The following EIF2AK4 variants were observed in gnomAD, a reference collection of about 807,000 sequenced individuals.
EIF2AK4 encodes eukaryotic translation initiation factor 2 alpha kinase 4, also known as eIF-2-alpha kinase GCN2.
In EIF2AK4, 139 loss-of-function variants were observed where a neutral mutation model predicts 211.1. That is an observed-to-expected ratio of 0.66 (90% CI 0.57 to 0.76). The LOEUF (loss-of-function observed/expected upper bound fraction) is 0.76, where lower values mean the gene tolerates loss of function less well. Among genes scored for constraint, EIF2AK4 ranks in the 30% least tolerant of loss-of-function variants. EIF2AK4 has a pLI of 0.00. For synonymous variants in EIF2AK4, 710 were observed against 751.3 expected, an observed-to-expected ratio of 0.94 and a Z score of 0.90; for missense variants, 1,664 against 2,043.8, an observed-to-expected ratio of 0.81 and a Z score of 3.58.
rs939741651 is a variant in EIF2AK4 at position 40,032,939 on chromosome 15, T to C, written c.4773+138T>C. 2.9e-5 allele frequency: 19 copies of C among 653,738 alleles called. No homozygotes were observed. The African/African-American group carries it at 3.6e-4, about 12-fold the overall frequency. The allele number at this position is 653,738 out of a possible 1,614,324, so 40.5% of individuals were successfully genotyped here. On this transcript the variant is annotated intron_variant, in intron 37 of 38. Transcript: ENST00000263791. ...TGCAGGAATTTAGTAACATTTTTCC[T>C]TTTATGTAACATATATGTTCCTAAA...
At chr15:40,000,417 G>A (rs1206990894) in intron 20 of EIF2AK4, among the ~76,000 whole-genome samples, 1 of 152,084 alleles carries the variant, frequency 6.6e-6, no homozygotes, top group Non-Finnish European at 1.5e-5. Context: ...CATCATTAAG[G>A]AACCTCTCAA....
intron 15 of EIF2AK4, among the ~76,000 whole-genome samples, chr15:39,988,333 G>C (rs773231945): frequency 1.6e-4 from 24 of 152,174 alleles, no homozygotes; most frequent in Non-Finnish European, 2.8e-4. Flanking sequence ...TAAAGGTTAG[G>C]ACAGGGATCA....
chr15:40,005,214 A>G (rs2035144093), intron 23 of EIF2AK4, among the ~76,000 whole-genome samples: 1 of 152,222 alleles, frequency 6.6e-6, no homozygotes, highest in Non-Finnish European at 1.5e-5. Flanking sequence ...GAGTCCCGGA[A>G]CCAATTTCTG....
chr15:39,955,908 TA>T, intron 6 of EIF2AK4, 140 bp downstream of exon 6: 15 of 767,532 alleles, frequency 2.0e-5, no homozygotes, highest in Non-Finnish European at 2.7e-5. Context: ...CTTAATATAT[TA>T]GCAATATATT....
chr15:40,016,397 C>T lies in EIF2AK4; in HGVS notation c.3760-105C>T, dbSNP rs115016293. The T allele has an allele frequency of 1.1e-3, 1,473 of 1,325,832 alleles. 8 individuals are homozygous for T. The highest frequency in any genetic ancestry group is 9.3e-3 in the African/African-American group (631 of 67,696). 82.1% of individuals were successfully genotyped at this position (1,325,832 alleles called of 1,614,324 possible). On this transcript the variant is annotated intron_variant, in intron 27 of 38. Coordinates refer to ENST00000263791, the MANE Select transcript of EIF2AK4 (RefSeq NM_001013703.4). ...AATAATCTTTGACCACAAAGATAAT[C>T]GTAGCATCCCATGTGCTCCTGCTCC...
At chr15:40,017,506 T>TAC in intron 29 of EIF2AK4, among the ~76,000 whole-genome samples, 1 of 5,650 alleles carries the variant, frequency 1.8e-4, no homozygotes, top group Non-Finnish European at 3.6e-4. Context: ...TGTTTCTATA[T>TAC]ATATATATAT....
At chr15:40,016,378 C>A in intron 27 of EIF2AK4, 124 bp from the exon 28 acceptor site, 1 of 1,220,838 alleles carries the variant, frequency 8.2e-7, no homozygotes, top group Non-Finnish European at 1.2e-6. Flanking sequence ...CTAAAATAAT[C>A]TTTGACCACA....
At position 39,990,509 on chromosome 15, in the gene EIF2AK4, G is replaced by A. The variant is rs918010094; in HGVS notation, c.2631+132G>A. The A allele has an allele frequency of 5.4e-6, 4 of 744,458 alleles. No individual in the cohort carries two copies. The African/African-American group carries it at 7.1e-5, about 13-fold the overall frequency. The allele number at this position is 744,458 out of a possible 1,614,324, so 46.1% of individuals were successfully genotyped here. On this transcript the variant is annotated intron_variant, in intron 16 of 38. Coordinates refer to ENST00000263791, the MANE Select transcript of EIF2AK4 (RefSeq NM_001013703.4). Reference sequence around the variant, plus strand: ...AATCCTCAGGAGATTATACAAACCTGAAGGGGTATGCTGCAAATGATCTTG... The same window carrying A: ...AATCCTCAGGAGATTATACAAACCTAAAGGGGTATGCTGCAAATGATCTTG...
rs1326324407 is a variant in EIF2AK4, at chr15:39,976,446, A to T, written c.1851A>T (p.Ala617=). The change falls in exon 12 of 39, where the codon GCA becomes GCT. Residue 617 remains alanine (A), a synonymous_variant. Coordinates refer to ENST00000263791, the MANE Select transcript of EIF2AK4 (RefSeq NM_001013703.4). ...VQNKLDGCCY[A]VKRIPINPAS... Reference sequence around the variant, plus strand: ...ACAAGTTGGACGGCTGCTGCTACGCAGTGAAGCGCATCCCCATCAACCCGG... The same window carrying T: ...ACAAGTTGGACGGCTGCTGCTACGCTGTGAAGCGCATCCCCATCAACCCGG... 2 of 1,609,004 alleles carry T rather than the reference A, an allele frequency of 1.2e-6. No homozygotes were observed. The highest frequency in any genetic ancestry group is 1.7e-6 in the Non-Finnish European group (2 of 1,178,392).
intron 16 of EIF2AK4, 103 bp from the exon 17 acceptor site, chr15:39,992,072 T>C: frequency 9.2e-7 from 1 of 1,082,348 alleles, no homozygotes; most frequent in Non-Finnish European, 1.3e-6. Context: ...ATTATTTTGA[T>C]TTCCATGTAA....
At chr15:40,032,873 C>A in intron 37 of EIF2AK4, 72 bp downstream of exon 37, 3 of 1,305,872 alleles carry the variant, frequency 2.3e-6, no homozygotes, top group Non-Finnish European at 2.2e-6. Context: ...TGCCAAAATA[C>A]TGAAGACGGC....
chr15:39,934,737 T>G (rs896113473), intron 1 of EIF2AK4, among the ~76,000 whole-genome samples: 2 of 152,250 alleles, frequency 1.3e-5, no homozygotes, highest in African/African-American at 4.8e-5. Flanking sequence ...GAACGCTTTT[T>G]GGGCTCTCGC....
intron 3 of EIF2AK4, among the ~76,000 whole-genome samples, chr15:39,945,420 C>T (rs780305607): frequency 3.3e-5 from 5 of 152,170 alleles, no homozygotes; most frequent in African/African-American, 4.8e-5. Flanking sequence ...TGGATCAAGG[C>T]CCTAACTCTC....
At position 39,967,523 on chromosome 15, in the gene EIF2AK4, G is replaced by C. The variant is rs1314257739; in HGVS notation, c.1197G>C (p.Val399=). ...AHLSHSGPIP[V]HQLRRYTAQL... is the part of the protein sequence containing the mutation. ...TGAGCCACTCAGGCCCCATCCCTGT[G>C]CATCAGCTTCGCAGGTACACAGCTC... The change falls in exon 9 of 39, where the codon GTG becomes GTC. Residue 399 remains valine, a synonymous_variant. Coordinates refer to ENST00000263791, the MANE Select transcript of EIF2AK4 (RefSeq NM_001013703.4). 5.6e-6 allele frequency: 9 copies of C among 1,613,878 alleles called. No individual in the cohort carries two copies. The highest frequency in any genetic ancestry group is 5.9e-6 in the Non-Finnish European group (7 of 1,180,008).
At chr15:39,936,716 CA>C (rs2034070036) in intron 1 of EIF2AK4, among the ~76,000 whole-genome samples, 1 of 152,234 alleles carries the variant, frequency 6.6e-6, no homozygotes, top group East Asian at 1.9e-4. Flanking sequence ...GCCTTTTATC[CA>C]AAACTCTTGA....
In EIF2AK4 at chr15:39,939,489, G is replaced by C. The variant is rs746362872; in HGVS notation, c.145-16G>C. 1.3e-6 allele frequency: 2 copies of C among 1,564,944 alleles called. No individual in the cohort carries two copies. The highest frequency in any genetic ancestry group is 4.5e-5 in the East Asian group (2 of 44,162). On this transcript the variant is annotated splice_polypyrimidine_tract_variant and intron_variant, in intron 1 of 38. Coordinates refer to ENST00000263791, the MANE Select transcript of EIF2AK4 (RefSeq NM_001013703.4). Reference sequence around the variant, plus strand: ...TACAGCTTTGAAAAAAATTTTTTTTGTTTTTCCTCTTTTAGGTCAAAGAGC... The same window carrying C: ...TACAGCTTTGAAAAAAATTTTTTTTCTTTTTCCTCTTTTAGGTCAAAGAGC...
chr15:39,981,529 A>T (rs1390782757), intron 13 of EIF2AK4, among the ~76,000 whole-genome samples: 1 of 152,180 alleles, frequency 6.6e-6, no homozygotes, highest in African/African-American at 2.4e-5. Context: ...AACCTCCAAG[A>T]GATTAACAGT....
At chr15:39,955,959 C>G (rs1239934434) in intron 6 of EIF2AK4, among the ~76,000 whole-genome samples, 191 bp downstream of exon 6, 1 of 151,040 alleles carries the variant, frequency 6.6e-6, no homozygotes, top group African/African-American at 2.4e-5. Context: ...TTGCGTTTAA[C>G]ACTTTCCAAG....
In EIF2AK4 at chr15:39,963,844, C is replaced by T. The variant is rs143114086; in HGVS notation, c.860-1842C>T. Reference sequence around the variant, plus strand: ...ATACTAAAATTATAATTTTTTAAACCCCAGCAACTATGAAATGCCTGCCTA... The same window carrying T: ...ATACTAAAATTATAATTTTTTAAACTCCAGCAACTATGAAATGCCTGCCTA... On this transcript the variant is annotated intron_variant, in intron 7 of 38. Transcript: ENST00000263791. Among the ~76,000 whole-genome samples, 542 of 152,144 alleles carry T rather than the reference C, an allele frequency of 3.6e-3. 3 individuals carry two copies. Among genetic ancestry groups the T allele is most frequent in the Middle Eastern group, 0.034 (10 of 294 alleles).
Sources: allele counts gnomAD v4.1 joint callset (sites outside exome capture counted in the v4.1 genomes callset), GRCh38; gene constraint gnomAD v4.1.1; transcripts MANE v1.5; gene names NCBI Gene and HGNC (gene_info 2026-07-23, HGNC 2026-07-21).